PPARGC1B: variants seen among roughly 807,000 people sequenced by gnomAD.
The protein encoded by PPARGC1B is peroxisome proliferator-activated receptor gamma coactivator 1-beta.
In PPARGC1B, 34 loss-of-function variants were observed where a neutral mutation model predicts 101.6. The observed-to-expected ratio is 0.33, with a 90% CI of 0.25 to 0.45. PPARGC1B has a LOEUF of 0.45. Among genes scored for constraint, PPARGC1B ranks in the 20% least tolerant of loss-of-function variants. PPARGC1B has a pLI of 1.00. For synonymous variants in PPARGC1B, 548 were observed against 539.3 expected (o/e 1.02, Z -0.22); for missense variants, 1,234 against 1,317.6 (o/e 0.94, Z 0.98).
downstream of PPARGC1B, among the ~76,000 whole-genome samples, chr5:149,855,887 C>G (rs140233754): frequency 1.1e-3 from 161 of 152,224 alleles, no homozygotes; most frequent in African/African-American, 3.5e-3. Context: ...GAGGCTGAGG[C>G]GGGCGGATCA....
chr5:149,845,883 G>A lies in PPARGC1B; in HGVS notation c.2940G>A (p.Arg980=), dbSNP rs1400854924. ...PSFQLSYGGL[R]HFCWPRYTDY... Reference sequence around the variant, plus strand: ...TCCAGCTGAGCTACGGAGGGCTCCGGCACTTCTGCTGGCCCAGATACACTG... The same window carrying A: ...TCCAGCTGAGCTACGGAGGGCTCCGACACTTCTGCTGGCCCAGATACACTG... The change falls in exon 11 of 12, where the codon CGG becomes CGA. Residue 980 remains arginine (R), a synonymous_variant. Transcript: ENST00000309241. 1 of 1,614,252 alleles carries A rather than the reference G, an allele frequency of 6.2e-7. No homozygotes were observed. Among genetic ancestry groups the A allele is most frequent in the African/African-American group, 1.3e-5 (1 of 75,064 alleles).
At chr5:149,782,791 C>T (rs992343438) in intron 1 of PPARGC1B, among the ~76,000 whole-genome samples, 12 of 152,332 alleles carry the variant, frequency 7.9e-5, no homozygotes, top group African/African-American at 2.2e-4. Flanking sequence ...GGCCGCTGCT[C>T]TAGGGTCCTG....
chr5:149,746,984 A>G (rs1755117205), intron 1 of PPARGC1B, among the ~76,000 whole-genome samples: 1 of 152,126 alleles, frequency 6.6e-6, no homozygotes, highest in African/African-American at 2.4e-5. Flanking sequence ...AGTTCTCTTT[A>G]CATTTGAGAT....
intron 1 of PPARGC1B, among the ~76,000 whole-genome samples, chr5:149,742,793 G>A (rs576059079): frequency 1.3e-5 from 2 of 152,286 alleles, no homozygotes; most frequent in Admixed American, 6.5e-5. Flanking sequence ...AGGTTTGTCT[G>A]ACTTCAGAGC....
chr5:149,798,785 C>G (rs1281170291), intron 1 of PPARGC1B, among the ~76,000 whole-genome samples: 3 of 152,220 alleles, frequency 2.0e-5, no homozygotes, highest in Non-Finnish European at 2.9e-5. Flanking sequence ...GTTTCCTCAT[C>G]TGTAGAGTGG....
rs1759231962 is a variant in PPARGC1B, at chr5:149,839,187, C to G, written c.2619-854C>G. On this transcript the variant is annotated intron_variant, in intron 8 of 11. Transcript: ENST00000309241. ...TTCCTGGGCTAAGCATTGACATGCA[C>G]TTTTAAATTTAATCCTCACAAATGG... Among the ~76,000 whole-genome samples, 7 of 152,036 alleles carry G rather than the reference C, an allele frequency of 4.6e-5. 1 individual carries two copies. In the South Asian group the frequency reaches 8.3e-4, roughly 18 times the overall value.
intron 1 of PPARGC1B, among the ~76,000 whole-genome samples, chr5:149,782,976 G>A (rs17110415): frequency 0.06 from 9,131 of 152,266 alleles, 967 homozygotes; most frequent in African/African-American, 0.21. Context: ...AATGCAGCCA[G>A]TGGGTCCAAG....
intron 1 of PPARGC1B, among the ~76,000 whole-genome samples, chr5:149,788,186 G>A (rs1279529191): frequency 6.6e-6 from 1 of 151,968 alleles, no homozygotes; most frequent in African/African-American, 2.4e-5. Flanking sequence ...TCTGACAAAG[G>A]GCTAATATCC....
intron 1 of PPARGC1B, among the ~76,000 whole-genome samples, chr5:149,757,520 G>T (rs575607457): frequency 1.2e-4 from 18 of 152,322 alleles, no homozygotes; most frequent in Admixed American, 1.1e-3. Flanking sequence ...TCGATAAGTG[G>T]CAGAACCGAG....
intron 1 of PPARGC1B, among the ~76,000 whole-genome samples, chr5:149,763,674 G>C (rs556501822): frequency 6.6e-6 from 1 of 152,032 alleles, no homozygotes; most frequent in East Asian, 1.9e-4. Flanking sequence ...GGGACTATAG[G>C]TGCGTGCCAC....
chr5:149,782,657 G>GAGGGGAGGCTGGGTAGGGGC (rs979766462), intron 1 of PPARGC1B, among the ~76,000 whole-genome samples: 5 of 152,260 alleles, frequency 3.3e-5, no homozygotes, highest in Non-Finnish European at 7.3e-5. Flanking sequence ...AGCCAAGAGG[G>GAGGGGAGGCTGGGTAGGGGC]AGGGGAGGCT....
At chr5:149,776,070 C>T (rs1429477554) in intron 1 of PPARGC1B, among the ~76,000 whole-genome samples, 1 of 152,172 alleles carries the variant, frequency 6.6e-6, no homozygotes, top group African/African-American at 2.4e-5. Flanking sequence ...TACCAAGATA[C>T]CACCTCTTTT....
rs1018448513 is a variant in PPARGC1B at position 149,832,358 on chromosome 5, G to A, written c.583-298G>A. Among the ~76,000 whole-genome samples the A allele has an allele frequency of 4.6e-5, 7 of 152,268 alleles. No individual in the cohort carries two copies. Among genetic ancestry groups the A allele is most frequent in the East Asian group, 1.9e-4 (1 of 5,182 alleles). ...TGCCCGGCTCTTGGCTGAGGGGTAC[G>A]GAGCAGGGAGGCGGAATGGTCAGAG... is the stretch of plus-strand genomic sequence containing the variant. On this transcript the variant is annotated intron_variant, in intron 4 of 11. Coordinates refer to ENST00000309241, the MANE Select transcript of PPARGC1B (RefSeq NM_133263.4). This position sits in a 1 kb window ranked among gnomAD's most constrained non-coding sequence, Gnocchi z 4.9.
intron 1 of PPARGC1B, among the ~76,000 whole-genome samples, chr5:149,787,564 C>G (rs911663366): frequency 4.6e-5 from 7 of 152,226 alleles, no homozygotes; most frequent in Non-Finnish European, 1.0e-4. Context: ...CTGAGAACAT[C>G]TGCTGATACA....
intron 1 of PPARGC1B, among the ~76,000 whole-genome samples, chr5:149,798,370 A>G (rs772105918): frequency 1.3e-5 from 2 of 152,248 alleles, no homozygotes; most frequent in African/African-American, 2.4e-5. Flanking sequence ...TTTATAATAC[A>G]AGAATGTTCC....
chr5:149,830,716 C>T, intron 3 of PPARGC1B, 51 bp from the exon 4 acceptor site: 1 of 1,384,886 alleles, frequency 7.2e-7, no homozygotes, highest in Non-Finnish European at 1.0e-6. Context: ...CAGTCCATGT[C>T]CTCTGGCTGT....
intron 3 of PPARGC1B, 82 bp downstream of exon 3, chr5:149,826,967 C>A (rs190664480): frequency 1.9e-6 from 2 of 1,075,476 alleles, no homozygotes; most frequent in Non-Finnish European, 2.8e-6. Flanking sequence ...CAGAGCAATC[C>A]GCTCCAGCCC....
chr5:149,772,130 C>T, intron 1 of PPARGC1B: 1 of 1,601,898 alleles, frequency 6.2e-7, no homozygotes, highest in Admixed American at 1.7e-5. Flanking sequence ...GAGCCGCCAC[C>T]AGAGCAATGG....
rs376547563 is a variant in PPARGC1B at position 149,820,537 on chromosome 5, G to A, written c.183G>A (p.Leu61=). 3 of 1,614,024 alleles carry A rather than the reference G, an allele frequency of 1.9e-6. No homozygotes were observed. The highest frequency in any genetic ancestry group is 3.3e-5 in the Admixed American group (2 of 60,028). Residue 61 remains leucine (L), a synonymous_variant, in exon 2 of 12, where the codon CTG becomes CTA. Coordinates refer to ENST00000309241, the MANE Select transcript of PPARGC1B (RefSeq NM_133263.4). ...ACTCGGCCACCTGCTTTGGGGAGCTGCAGTGGTGCCCAGAGAACTCAGAGA... is the reference window on the plus strand; with the variant it reads ...ACTCGGCCACCTGCTTTGGGGAGCTACAGTGGTGCCCAGAGAACTCAGAGA... ...DFDSATCFGE[L]QWCPENSETE... is the part of the protein sequence containing the mutation.
Sources: gnomAD v4.1 joint callset for allele counts (sites outside exome capture counted in the v4.1 genomes callset) on GRCh38, gnomAD v4.1.1 for gene constraint, Gnocchi (gnomAD v3.1) non-coding constraint, MANE v1.5 for transcripts, NCBI Gene and HGNC (gene_info 2026-07-23, HGNC 2026-07-21) for gene names.